PHIP: variants seen among roughly 807,000 people sequenced by gnomAD.
PHIP encodes PH-interacting protein.
A neutral mutation model predicts 236.8 loss-of-function variants in PHIP; 54 were observed. The ratio of observed to expected loss-of-function variants is 0.23; its 90% CI spans 0.18 to 0.29. The LOEUF (loss-of-function observed/expected upper bound fraction) is 0.29. Among genes scored for constraint, PHIP ranks in the 10% least tolerant of loss-of-function variants. The pLI is 1.00. For missense variants in PHIP, 1,370 were observed against 2,190.8 expected, an observed-to-expected ratio of 0.63 and a Z score of 7.48; for synonymous variants, 756 against 718.9, an observed-to-expected ratio of 1.05 and a Z score of -0.83.
intron 30 of PHIP, 83 bp from the exon 31 acceptor site, chr6:78,961,893 A>T: frequency 9.4e-7 from 1 of 1,066,418 alleles, no homozygotes; most frequent in Non-Finnish European, 1.4e-6. Flanking sequence ...TTAAGACTTA[A>T]AAAGTCCTAA....
chr6:79,052,607 A>G (rs544475979), intron 6 of PHIP, among the ~76,000 whole-genome samples: 5 of 152,354 alleles, frequency 3.3e-5, no homozygotes, highest in African/African-American at 1.2e-4. Flanking sequence ...GGATATAAGT[A>G]AAAGCAAAAG....
chr6:78,940,558 T>TTG lies in PHIP; in HGVS notation c.*134_*135insCA. ...GTGTCTCGTAAGTTTGTTTTTTTTT[T>TTG]TTTTTTTTTTTTTGCAAATCAAATC... On this transcript the variant is annotated 3_prime_UTR_variant, in exon 40 of 40. Coordinates refer to ENST00000275034, the MANE Select transcript of PHIP (RefSeq NM_017934.7). 1 of 179,846 alleles carries TTG rather than the reference T, an allele frequency of 5.6e-6. No homozygotes were observed. Among genetic ancestry groups the TTG allele is most frequent in the South Asian group, 2.2e-4 (1 of 4,558 alleles). The allele number at this position is 179,846 out of a possible 1,614,324, so 11.1% of individuals were successfully genotyped here.
intron 28 of PHIP, 50 bp from the exon 29 acceptor site, chr6:78,965,814 C>A: frequency 8.2e-7 from 1 of 1,216,720 alleles, no homozygotes; most frequent in Non-Finnish European, 1.2e-6. Context: ...TATTGTATCA[C>A]AATTTTAATA....
chr6:79,054,240 CA>C (rs1288548849), intron 6 of PHIP, among the ~76,000 whole-genome samples: 1 of 145,540 alleles, frequency 6.9e-6, no homozygotes, highest in Non-Finnish European at 1.5e-5. Context: ...AATAAAACAA[CA>C]AAACCTGTGT....
At chr6:78,990,503 T>C (rs966900412) in intron 20 of PHIP, among the ~76,000 whole-genome samples, 8 of 152,128 alleles carry the variant, frequency 5.3e-5, no homozygotes, top group African/African-American at 1.9e-4. Context: ...GAATAATGAA[T>C]AGATGCAAGA....
chr6:78,975,910 G>T (rs1428462178), intron 24 of PHIP, among the ~76,000 whole-genome samples: 2 of 150,320 alleles, frequency 1.3e-5, no homozygotes, highest in Admixed American at 1.3e-4. Flanking sequence ...CCATGCTCAT[G>T]GGTAGGAAGA....
At chr6:78,984,952 T>A (rs1768774350) in intron 22 of PHIP, among the ~76,000 whole-genome samples, 1 of 152,154 alleles carries the variant, frequency 6.6e-6, no homozygotes, top group East Asian at 1.9e-4. Context: ...AAGGTAGGCA[T>A]AACAAGAAAA....
Position 79,034,088 on chromosome 6 carries a change from T to A in PHIP, c.601-7924A>T, listed in dbSNP as rs138105585. 7.1e-3 allele frequency among the ~76,000 whole-genome samples: 1,076 copies of A among 152,180 alleles called. 7 individuals are homozygous for A. The highest frequency in any genetic ancestry group is 0.012 in the Non-Finnish European group (812 of 68,000). On this transcript the variant is annotated intron_variant, in intron 7 of 39. Coordinates refer to ENST00000275034, the MANE Select transcript of PHIP (RefSeq NM_017934.7). Reference sequence around the variant, plus strand: ...TAGATCACCATAACAGTTATAATAATAATGAAAAAGCTTGAAATATTGTGA... The same window carrying A: ...TAGATCACCATAACAGTTATAATAAAAATGAAAAAGCTTGAAATATTGTGA...
chr6:79,075,130 T>A (rs148198290), intron 4 of PHIP, among the ~76,000 whole-genome samples: 1 of 152,230 alleles, frequency 6.6e-6, no homozygotes, highest in African/African-American at 2.4e-5. Flanking sequence ...CAAGAGACTT[T>A]GCATGTGCTG....
intron 37 of PHIP, 43 bp from the exon 38 acceptor site, chr6:78,946,303 G>A (rs188915765): frequency 3.8e-5 from 59 of 1,546,572 alleles, no homozygotes; most frequent in Non-Finnish European, 4.7e-5. Flanking sequence ...ATAGCTCTAT[G>A]TGAACGAATA....
chr6:79,077,641 G>C (rs1322530671), intron 3 of PHIP, 59 bp downstream of exon 3: 2 of 916,008 alleles, frequency 2.2e-6, no homozygotes, highest in Non-Finnish European at 2.6e-6. Flanking sequence ...CAGCGGCGGC[G>C]CAGCGGCCCA....
At chr6:78,941,983 TTAGA>T (rs1302265996) in intron 39 of PHIP, among the ~76,000 whole-genome samples, 1 of 152,094 alleles carries the variant, frequency 6.6e-6, no homozygotes, top group Non-Finnish European at 1.5e-5. Flanking sequence ...ATGCTATAAC[TTAGA>T]TAAAGGAAAA....
intron 15 of PHIP, among the ~76,000 whole-genome samples, chr6:79,006,832 A>C (rs940153124): frequency 1.3e-5 from 2 of 152,022 alleles, no homozygotes; most frequent in Non-Finnish European, 1.5e-5. Flanking sequence ...AGAAATAAAG[A>C]CCACATAAAG....
At chr6:79,022,535 G>C (rs1259485497) in intron 9 of PHIP, among the ~76,000 whole-genome samples, 1 of 152,046 alleles carries the variant, frequency 6.6e-6, no homozygotes, top group African/African-American at 2.4e-5. Context: ...TTTCTCAAAG[G>C]GTTGTTATAG....
In PHIP at chr6:78,940,689, C is replaced by G. The variant is rs1773457911; in HGVS notation, c.*4G>C. 6.4e-7 allele frequency: 1 copy of G among 1,569,302 alleles called. No homozygotes were observed. The highest frequency in any genetic ancestry group is 2.4e-5 in the East Asian group (1 of 42,190). On this transcript the variant is annotated 3_prime_UTR_variant, in exon 40 of 40. Transcript: ENST00000275034. Reference sequence around the variant, plus strand: ...GATTTTGAAGTAAAATATTTTGGTACAAGTTACCAACCAATTAAATTAGCT... The same window carrying G: ...GATTTTGAAGTAAAATATTTTGGTAGAAGTTACCAACCAATTAAATTAGCT...
At chr6:79,012,871 C>T (rs1455762571) in intron 15 of PHIP, among the ~76,000 whole-genome samples, 3 of 151,500 alleles carry the variant, frequency 2.0e-5, no homozygotes, top group Non-Finnish European at 4.4e-5. Flanking sequence ...TCATAAAAGA[C>T]AGACAGGAAA....
chr6:79,077,609 C>T, intron 3 of PHIP, 91 bp downstream of exon 3: 1 of 888,538 alleles, frequency 1.1e-6, no homozygotes, highest in Non-Finnish European at 1.3e-6. Context: ...GAGCCCCGCG[C>T]CCCGCGCCCT....
chr6:79,025,726 G>T, intron 8 of PHIP, 107 bp from the exon 9 acceptor site: 1 of 779,180 alleles, frequency 1.3e-6, no homozygotes, highest in Non-Finnish European at 2.2e-6. Context: ...TTAGAAAATG[G>T]CAAGAATTTA....
At chr6:78,972,337 C>A (rs540190791) in intron 24 of PHIP, among the ~76,000 whole-genome samples, 1 of 152,278 alleles carries the variant, frequency 6.6e-6, no homozygotes, top group South Asian at 2.1e-4. Flanking sequence ...AGAAGGAAAA[C>A]TAACAAACAG....
Sources: allele counts gnomAD v4.1 joint callset (sites outside exome capture counted in the v4.1 genomes callset), GRCh38; gene constraint gnomAD v4.1.1; transcripts MANE v1.5; gene names NCBI Gene and HGNC (gene_info 2026-07-23, HGNC 2026-07-21).